Variants in TFAP2E observed in about 807,000 individuals in gnomAD.
TFAP2E encodes transcription factor AP-2 epsilon, also known as transcription factor AP-2-epsilon.
Under a neutral mutation model 37.9 loss-of-function variants are expected in TFAP2E, and 30 were observed. The ratio of observed to expected loss-of-function variants is 0.79; its 90% confidence interval spans 0.59 to 1.07. The LOEUF (loss-of-function observed/expected upper bound fraction) is 1.07. Ranked by LOEUF, TFAP2E falls within the 50% of genes least tolerant of loss-of-function variation. TFAP2E has a pLI of 0.00. For synonymous variants in TFAP2E, 318 were observed against 295.8 expected (o/e 1.08, Z -0.77); for missense variants, 567 against 637.9 (o/e 0.89, Z 1.20).
rs913131480 is a variant in TFAP2E, at chr1:35,588,925, C to T, written c.785+373C>T. Reference sequence around the variant, plus strand: ...CCCATTCTGCGCGGCAGCATAGGCCCTGTGTGTTTTGGGGTGTGGAGCATG... The same window carrying T: ...CCCATTCTGCGCGGCAGCATAGGCCTTGTGTGTTTTGGGGTGTGGAGCATG... On this transcript the variant is annotated intron_variant, in intron 4 of 6. Coordinates refer to ENST00000373235, the MANE Select transcript of TFAP2E (RefSeq NM_178548.4). This position sits in a 1 kb window ranked among gnomAD's most constrained non-coding sequence, Gnocchi z 5.1. 1.3e-5 allele frequency among the ~76,000 whole-genome samples: 2 copies of T among 152,146 alleles called. No individual in the cohort carries two copies. The highest frequency in any genetic ancestry group is 2.4e-5 in the African/African-American group (1 of 41,446).
intron 3 of TFAP2E, among the ~76,000 whole-genome samples, chr1:35,583,349 G>A (rs1649401872): frequency 6.6e-6 from 1 of 152,052 alleles, no homozygotes; most frequent in African/African-American, 2.4e-5. Flanking sequence ...TTCCCATGTT[G>A]TCCAGGCTGG....
Position 35,595,283 on chromosome 1 carries a change from G to A in TFAP2E, c.*607G>A, listed in dbSNP as rs969007196. The A allele has an allele frequency of 1.3e-5, 2 of 153,428 alleles. No individual in the cohort carries two copies. Among genetic ancestry groups the A allele is most frequent in the African/African-American group, 4.8e-5 (2 of 41,450 alleles). The allele number at this position is 153,428 out of a possible 1,614,324, so 9.5% of individuals were successfully genotyped here. On this transcript the variant is annotated 3_prime_UTR_variant, in exon 7 of 7. Transcript: ENST00000373235. Reference sequence around the variant, plus strand: ...GCTCATCATAGTCCTGTTGCTGTCTGTCCTATTTATTTATGTATGTTGTAA... The same window carrying A: ...GCTCATCATAGTCCTGTTGCTGTCTATCCTATTTATTTATGTATGTTGTAA...
intron 3 of TFAP2E, among the ~76,000 whole-genome samples, chr1:35,580,948 G>A (rs1649335609): frequency 6.6e-6 from 1 of 152,096 alleles, no homozygotes. Context: ...ATGTAGAGTT[G>A]TGTAACCATT....
At chr1:35,585,406 C>T (rs1248902338) in intron 3 of TFAP2E, among the ~76,000 whole-genome samples, 2 of 152,184 alleles carry the variant, frequency 1.3e-5, no homozygotes, top group Non-Finnish European at 2.9e-5. Context: ...CTCTAGCCTG[C>T]CAACCTCCCC....
At chr1:35,580,543 G>A (rs12563326) in intron 3 of TFAP2E, among the ~76,000 whole-genome samples, 11,594 of 152,034 alleles carry the variant, frequency 0.076, 1,044 homozygotes, top group East Asian at 0.44. Context: ...GGTGGATCAC[G>A]AGGTCAGGAG....
chr1:35,580,656 T>C lies in TFAP2E; in HGVS notation c.562+5656T>C, dbSNP rs891490664. ...TGGGCGTGGTGGCGGGCGCCTGTAG[T>C]CCCAGCTACTCGGGAGGCTGAGGCA... On this transcript the variant is annotated intron_variant, in intron 3 of 6. Coordinates refer to ENST00000373235, the MANE Select transcript of TFAP2E (RefSeq NM_178548.4). Among the ~76,000 whole-genome samples, 19 of 152,048 alleles carry C rather than the reference T, an allele frequency of 1.2e-4. 2 individuals are homozygous for C. Among genetic ancestry groups the C allele is most frequent in the African/African-American group, 4.1e-4 (17 of 41,446 alleles).
intron 3 of TFAP2E, 135 bp downstream of exon 3, chr1:35,575,135 C>G (rs1649133811): frequency 8.5e-7 from 1 of 1,172,042 alleles, no homozygotes; most frequent in Non-Finnish European, 1.3e-6. Flanking sequence ...CCTGGCCCAG[C>G]CAGATGTTAG....
Position 35,577,708 on chromosome 1 carries a change from G to T in TFAP2E, c.562+2708G>T, listed in dbSNP as rs548873502. ...ACTTCGCCAGCGCCGCGGGGCAGAGGCACCTGGAGCTCGCAGGGCCCAGAC... is the reference window on the plus strand; with the variant it reads ...ACTTCGCCAGCGCCGCGGGGCAGAGTCACCTGGAGCTCGCAGGGCCCAGAC... On this transcript the variant is annotated intron_variant, in intron 3 of 6. Transcript: ENST00000373235. This position sits in a 1 kb window ranked among gnomAD's most constrained non-coding sequence, Gnocchi z 6.3. The T allele has an allele frequency of 4.5e-4, 135 of 301,366 alleles. No individual in the cohort carries two copies. The highest frequency in any genetic ancestry group is 2.6e-3 in the African/African-American group (120 of 45,564). The allele number at this position is 301,366 out of a possible 1,614,324, so 18.7% of individuals were successfully genotyped here. A position where few individuals can be genotyped will look rare whatever the true frequency, so the allele number is the denominator to read the frequency against.
At chr1:35,587,020 C>T (rs1195948751) in intron 3 of TFAP2E, among the ~76,000 whole-genome samples, 1 of 152,204 alleles carries the variant, frequency 6.6e-6, no homozygotes, top group Non-Finnish European at 1.5e-5. Flanking sequence ...GTCTCCTCAT[C>T]TGTAAAATGG....
intron 3 of TFAP2E, 88 bp downstream of exon 3, chr1:35,575,088 T>C: frequency 2.6e-6 from 4 of 1,541,598 alleles, no homozygotes; most frequent in Non-Finnish European, 3.6e-6. Flanking sequence ...CCGTGCCTCC[T>C]GTGTGTCGCC....
At chr1:35,582,270 G>A (rs1183173960) in intron 3 of TFAP2E, among the ~76,000 whole-genome samples, 1 of 152,014 alleles carries the variant, frequency 6.6e-6, no homozygotes, top group African/African-American at 2.4e-5. Context: ...ACTTTTTCAT[G>A]TACTTATTTA....
At chr1:35,580,818 T>C (rs1649331398) in intron 3 of TFAP2E, among the ~76,000 whole-genome samples, 1 of 152,004 alleles carries the variant, frequency 6.6e-6, no homozygotes, top group Non-Finnish European at 1.5e-5. Context: ...CCACATTGAC[T>C]GCATGAGAAC....
chr1:35,578,816 G>A (rs1649259374), intron 3 of TFAP2E, among the ~76,000 whole-genome samples: 1 of 152,136 alleles, frequency 6.6e-6, no homozygotes, highest in Admixed American at 6.5e-5. Context: ...AATAGGCCGG[G>A]CGCAGTGGCT....
intron 3 of TFAP2E, among the ~76,000 whole-genome samples, chr1:35,576,112 A>G (rs1649162409): frequency 6.6e-6 from 1 of 152,218 alleles, no homozygotes; most frequent in African/African-American, 2.4e-5. Flanking sequence ...TGTTTTTCAA[A>G]CGAGTGAATT....
In TFAP2E at chr1:35,594,988, T is replaced by A. The variant is rs1051448976; in HGVS notation, c.*312T>A. The A allele has an allele frequency of 1.0e-5, 4 of 381,938 alleles. No individual in the cohort carries two copies. The highest frequency in any genetic ancestry group is 8.4e-5 in the African/African-American group (4 of 47,376). The allele number at this position is 381,938 out of a possible 1,614,324, so 23.7% of individuals were successfully genotyped here. On this transcript the variant is annotated 3_prime_UTR_variant, in exon 7 of 7. Transcript: ENST00000373235. ...GGCTCATGGGGCAGAGCCCTTTCCA[T>A]TAGCGTGGCTGGGTGGCCGTGGGTG...
rs1032226521 is a variant in TFAP2E at position 35,584,242 on chromosome 1, C to T, written c.563-4088C>T. 3.9e-5 allele frequency among the ~76,000 whole-genome samples: 6 copies of T among 152,258 alleles called. No individual in the cohort carries two copies. In the East Asian group the frequency reaches 1.2e-3, roughly 29 times the overall value. ...CCTTCCGAGCAGCTGGGACTATGGGCACATGCCACCATGCCTGGCTAACTT... is the reference window on the plus strand; with the variant it reads ...CCTTCCGAGCAGCTGGGACTATGGGTACATGCCACCATGCCTGGCTAACTT... On this transcript the variant is annotated intron_variant, in intron 3 of 6. Transcript: ENST00000373235.
At chr1:35,575,146 G>A in intron 3 of TFAP2E, 146 bp downstream of exon 3, 1 of 1,070,724 alleles carries the variant, frequency 9.3e-7, no homozygotes, top group Non-Finnish European at 1.4e-6. Context: ...CAGATGTTAG[G>A]CAGACGTGCG....
At chr1:35,578,728 G>C (rs1649256733) in intron 3 of TFAP2E, among the ~76,000 whole-genome samples, 1 of 152,180 alleles carries the variant, frequency 6.6e-6, no homozygotes, top group Non-Finnish European at 1.5e-5. Context: ...AAGCAGCCAG[G>C]ACATGGGTGA....
chr1:35,590,645 C>G lies in TFAP2E; in HGVS notation c.916C>G (p.His306Asp). The change falls in exon 6 of 7, where the codon CAC becomes GAC. Residue 306 changes from histidine to aspartate, a missense_variant. Coordinates refer to ENST00000373235, the MANE Select transcript of TFAP2E (RefSeq NM_178548.4). This position sits in a 1 kb window ranked among gnomAD's most constrained non-coding sequence, Gnocchi z 6.2. ...TCCCCTCCCCCCAGGAGAGGCCGTG[C>G]ACCTGGCCCGAGACTTCGGTTACGT... ...LTSLVEGEAV[H>D]LARDFGYVCE... is the part of the protein sequence containing the mutation. 1 of 1,512,894 alleles carries G rather than the reference C, an allele frequency of 6.6e-7. No homozygotes were observed. The highest frequency in any genetic ancestry group is 2.2e-4 in the Middle Eastern group (1 of 4,554). 93.7% of individuals were successfully genotyped at this position (1,512,894 alleles called of 1,614,324 possible).
Sources: gnomAD v4.1 joint callset for allele counts (sites outside exome capture counted in the v4.1 genomes callset) on GRCh38, gnomAD v4.1.1 for gene constraint, Gnocchi (gnomAD v3.1) non-coding constraint, MANE v1.5 for transcripts, NCBI Gene and HGNC (gene_info 2026-07-23, HGNC 2026-07-21) for gene names.